The following PABPC4L variants were observed in gnomAD, a reference collection of about 807,000 sequenced individuals.
PABPC4L encodes polyadenylate-binding protein 4-like.
For synonymous variants in PABPC4L, 169 were observed against 164.1 expected, an observed-to-expected ratio of 1.03 and a Z score of -0.23; for missense variants, 452 against 451.4, an observed-to-expected ratio of 1.00 and a Z score of -0.01.
chr4:134,113,792 G>T, the PABPC4L span, among the ~76,000 whole-genome samples: 1 of 151,848 alleles, frequency 6.6e-6, no homozygotes, highest in African/African-American at 2.4e-5. Flanking sequence ...GTAGGAGAAA[G>T]TCACGCTAGA....
At chr4:134,161,225 A>G in the PABPC4L span, among the ~76,000 whole-genome samples, 1 of 151,928 alleles carries the variant, frequency 6.6e-6, no homozygotes, top group Non-Finnish European at 1.5e-5. Context: ...TGCAGGCTAC[A>G]TGGAAATACA....
the PABPC4L span, among the ~76,000 whole-genome samples, chr4:134,120,053 A>C: frequency 6.6e-6 from 1 of 151,386 alleles, no homozygotes; most frequent in African/African-American, 2.4e-5. Context: ...TCTTTCACAT[A>C]TTTTCTGGTA....
the PABPC4L span, among the ~76,000 whole-genome samples, chr4:134,190,084 C>T: frequency 3.3e-5 from 5 of 152,136 alleles, no homozygotes; most frequent in Non-Finnish European, 7.4e-5. Context: ...TTTGATCTCT[C>T]AGGCTTATCT....
the PABPC4L span, among the ~76,000 whole-genome samples, chr4:134,071,315 G>A: frequency 6.6e-6 from 1 of 151,844 alleles, no homozygotes; most frequent in Non-Finnish European, 1.5e-5. Flanking sequence ...GATACACTCT[G>A]AGTGTGCCAG....
At chr4:134,189,853 T>A in the PABPC4L span, among the ~76,000 whole-genome samples, 1 of 152,096 alleles carries the variant, frequency 6.6e-6, no homozygotes, top group African/African-American at 2.4e-5. Flanking sequence ...TTGGTCAAGG[T>A]CTAACAAAAC....
chr4:134,014,094 C>T, the PABPC4L span, among the ~76,000 whole-genome samples: 3 of 152,126 alleles, frequency 2.0e-5, no homozygotes, highest in Non-Finnish European at 2.9e-5. Flanking sequence ...GTTCATGGCT[C>T]ATTTGGCAGC....
At chr4:134,063,369 CTTTATAA>C in the PABPC4L span, among the ~76,000 whole-genome samples, 2 of 151,948 alleles carry the variant, frequency 1.3e-5, no homozygotes, top group African/African-American at 4.8e-5. Context: ...TCTCAGTTCT[CTTTATAA>C]TTTCATAATA....
At chr4:134,108,192 T>A in the PABPC4L span, among the ~76,000 whole-genome samples, 15 of 151,882 alleles carry the variant, frequency 9.9e-5, 1 homozygote, top group Non-Finnish European at 1.5e-5. Flanking sequence ...TATACTGACA[T>A]ACACAGCCCT....
At chr4:134,028,342 C>T in the PABPC4L span, among the ~76,000 whole-genome samples, 2 of 152,002 alleles carry the variant, frequency 1.3e-5, no homozygotes, top group Non-Finnish European at 2.9e-5. Flanking sequence ...GCACTGCCAG[C>T]GTTTCATCCT....
At chr4:134,138,278 T>C in the PABPC4L span, among the ~76,000 whole-genome samples, 1 of 151,902 alleles carries the variant, frequency 6.6e-6, no homozygotes, top group Non-Finnish European at 1.5e-5. Context: ...ATTACACATT[T>C]ATTAATGTTA....
chr4:134,131,112 T>C, the PABPC4L span, among the ~76,000 whole-genome samples: 30 of 151,660 alleles, frequency 2.0e-4, 1 homozygote, highest in Non-Finnish European at 4.0e-4. Flanking sequence ...GTTGAAAGCA[T>C]CCCCCCTGAG....
chr4:133,959,918 C>G, the PABPC4L span, among the ~76,000 whole-genome samples: 5 of 152,184 alleles, frequency 3.3e-5, no homozygotes, highest in African/African-American at 1.2e-4. Flanking sequence ...TTTAAAATGT[C>G]TCTTAATGAA....
chr4:133,960,999 G>A, the PABPC4L span, among the ~76,000 whole-genome samples: 1 of 152,082 alleles, frequency 6.6e-6, no homozygotes, highest in Non-Finnish European at 1.5e-5. Flanking sequence ...TGAAAAAAGA[G>A]CGTGTACTCT....
the PABPC4L span, among the ~76,000 whole-genome samples, chr4:134,144,446 T>C: frequency 6.6e-6 from 1 of 151,506 alleles, no homozygotes; most frequent in Non-Finnish European, 1.5e-5. Flanking sequence ...AAGACACAAA[T>C]TTACTTTTAA....
At chr4:134,166,378 T>C in the PABPC4L span, among the ~76,000 whole-genome samples, 1 of 152,036 alleles carries the variant, frequency 6.6e-6, no homozygotes, top group South Asian at 2.1e-4. Context: ...TAAAAGAAAA[T>C]AGTTATCTGC....
the PABPC4L span, among the ~76,000 whole-genome samples, chr4:133,954,621 T>G: frequency 6.6e-6 from 1 of 152,242 alleles, no homozygotes. Context: ...TTTCCTTTGT[T>G]CCCTAGGCCT....
At chr4:134,107,167 A>G in the PABPC4L span, among the ~76,000 whole-genome samples, 6 of 151,260 alleles carry the variant, frequency 4.0e-5, no homozygotes, top group Non-Finnish European at 7.4e-5. Context: ...CGATTTACCT[A>G]CAGTTACACA....
the PABPC4L span, among the ~76,000 whole-genome samples, chr4:134,106,272 A>C: frequency 1.3e-5 from 2 of 151,652 alleles, no homozygotes; most frequent in Admixed American, 1.3e-4. Context: ...ATATTTCAGT[A>C]AAAAGATTTA....
the PABPC4L span, among the ~76,000 whole-genome samples, chr4:134,132,512 A>G: frequency 6.6e-6 from 1 of 151,974 alleles, no homozygotes; most frequent in Non-Finnish European, 1.5e-5. Context: ...CCATAATGCA[A>G]TACCACCTCA....
Sources: allele counts gnomAD v4.1 joint callset (sites outside exome capture counted in the v4.1 genomes callset), GRCh38; gene constraint gnomAD v4.1.1; transcripts MANE v1.5; gene names NCBI Gene and HGNC (gene_info 2026-07-23, HGNC 2026-07-21).